FRMD4A: variants seen among roughly 807,000 people sequenced by gnomAD.
FRMD4A encodes FERM domain containing 4A.
FRMD4A carries 29 observed loss-of-function variants against 129.1 expected under a neutral mutation model. The ratio of observed to expected loss-of-function variants is 0.22; its 90% CI spans 0.17 to 0.31. The LOEUF is 0.31. Ranked by LOEUF, FRMD4A falls within the 10% of genes least tolerant of loss-of-function variation. The pLI is 1.00. For synonymous variants in FRMD4A, 634 were observed against 571.6 expected (o/e 1.11, Z -1.56); for missense variants, 1,272 against 1,375.8 (o/e 0.92, Z 1.19).
intron 2 of FRMD4A, among the ~76,000 whole-genome samples, chr10:14,034,591 T>C (rs909651323): frequency 5.9e-5 from 9 of 152,112 alleles, no homozygotes; most frequent in African/African-American, 2.2e-4. Context: ...TCATGAGAGA[T>C]GATCAGATCT....
chr10:14,167,869 C>T (rs1002824236), intron 2 of FRMD4A, among the ~76,000 whole-genome samples: 1 of 152,076 alleles, frequency 6.6e-6, no homozygotes. Context: ...ACGCCAGGCT[C>T]AGGGAGCTAT....
intron 13 of FRMD4A, among the ~76,000 whole-genome samples, chr10:13,705,744 C>T (rs1226717731): frequency 6.6e-6 from 1 of 152,206 alleles, no homozygotes; most frequent in Non-Finnish European, 1.5e-5. Flanking sequence ...AAACCCCTTG[C>T]AGGGCCCTGA....
In FRMD4A at chr10:13,657,172, G is replaced by T. The variant is rs1298783765; in HGVS notation, c.2417C>A (p.Ala806Glu). Residue 806 changes from alanine to glutamate, a missense_variant, in exon 22 of 25, where the codon GCG becomes GAG. By Grantham distance (107) the Ala-to-Glu change is moderately radical (BLOSUM62 -1). Transcript: ENST00000357447. ...ASSGSMPNLA[A>E]RGGAGGAGGA... Reference sequence around the variant, plus strand: ...CCCCGCGCCCCCCGCACCCCCGCGCGCCGCCAGGTTGGGCATGCTGCCCGA... The same window carrying T: ...CCCCGCGCCCCCCGCACCCCCGCGCTCCGCCAGGTTGGGCATGCTGCCCGA... 1 of 1,435,204 alleles carries T rather than the reference G, an allele frequency of 7.0e-7. No individual in the cohort carries two copies. The highest frequency in any genetic ancestry group is 9.2e-7 in the Non-Finnish European group (1 of 1,091,610). 88.9% of individuals were successfully genotyped at this position (1,435,204 alleles called of 1,614,324 possible). A position where few individuals can be genotyped will look rare whatever the true frequency, so the allele number is the denominator to read the frequency against.
intron 2 of FRMD4A, among the ~76,000 whole-genome samples, chr10:14,039,359 T>TGTCCATCCGTCC (rs201613957): frequency 3.3e-4 from 42 of 128,348 alleles, no homozygotes; most frequent in African/African-American, 1.2e-3. Context: ...CTTTCTGATC[T>TGTCCATCCGTCC]GTCCGTCCGT....
At chr10:14,081,832 G>A (rs7912941) in intron 2 of FRMD4A, among the ~76,000 whole-genome samples, 4,129 of 152,202 alleles carry the variant, frequency 0.027, 211 homozygotes, top group African/African-American at 0.093. Flanking sequence ...ATCCAATGCA[G>A]GTCATTGACT....
chr10:13,749,554 C>T (rs982577524), intron 8 of FRMD4A, among the ~76,000 whole-genome samples: 1 of 152,148 alleles, frequency 6.6e-6, no homozygotes, highest in Non-Finnish European at 1.5e-5. Context: ...CAATGATCAG[C>T]GTCACCATTG....
intron 2 of FRMD4A, among the ~76,000 whole-genome samples, chr10:13,964,724 T>G (rs1432905138): frequency 6.7e-6 from 1 of 148,386 alleles, no homozygotes; most frequent in African/African-American, 2.5e-5. Context: ...CAGGCTGGAG[T>G]GCAATGGCGC....
At chr10:13,954,708 G>A (rs1362565755) in intron 2 of FRMD4A, among the ~76,000 whole-genome samples, 1 of 152,160 alleles carries the variant, frequency 6.6e-6, no homozygotes, top group Non-Finnish European at 1.5e-5. Flanking sequence ...GTGGCTGGCA[G>A]CCTGTGTGAG....
At chr10:13,718,823 C>T (rs1055415016) in intron 12 of FRMD4A, among the ~76,000 whole-genome samples, 7 of 152,244 alleles carry the variant, frequency 4.6e-5, no homozygotes, top group African/African-American at 1.7e-4. Flanking sequence ...CATACACATA[C>T]CTCTGCCAAA....
chr10:14,155,486 T>A (rs994283460), intron 2 of FRMD4A, among the ~76,000 whole-genome samples: 4 of 152,070 alleles, frequency 2.6e-5, no homozygotes, highest in Non-Finnish European at 5.9e-5. Context: ...TTAGCGTCTG[T>A]CCCTTCCCAT....
intron 2 of FRMD4A, among the ~76,000 whole-genome samples, chr10:14,295,030 T>C (rs930273405): frequency 6.6e-6 from 1 of 152,198 alleles, no homozygotes; most frequent in African/African-American, 2.4e-5. Flanking sequence ...TTTTTAGTAA[T>C]GAGATTAATT....
intron 2 of FRMD4A, among the ~76,000 whole-genome samples, chr10:13,933,680 T>G (rs564261819): frequency 6.6e-6 from 1 of 152,322 alleles, no homozygotes; most frequent in African/African-American, 2.4e-5. Context: ...TTTTCCAGAT[T>G]TTCAACATAA....
At chr10:14,308,021 T>C (rs368153549) in intron 2 of FRMD4A, among the ~76,000 whole-genome samples, 1 of 152,230 alleles carries the variant, frequency 6.6e-6, no homozygotes, top group Non-Finnish European at 1.5e-5. Flanking sequence ...AGTACATAGA[T>C]AGAGTTTCTC....
chr10:13,868,632 A>G (rs2094403197), intron 2 of FRMD4A, among the ~76,000 whole-genome samples: 1 of 152,076 alleles, frequency 6.6e-6, no homozygotes, highest in Admixed American at 6.5e-5. Flanking sequence ...GCAAAACCCA[A>G]AAACAACAAT....
chr10:13,980,772 G>T (rs541469112), intron 2 of FRMD4A, among the ~76,000 whole-genome samples: 1 of 152,060 alleles, frequency 6.6e-6, no homozygotes, highest in African/African-American at 2.4e-5. Flanking sequence ...AAAATTGTTC[G>T]TTATTTTAAC....
At chr10:13,945,630 C>A (rs1282714557) in intron 2 of FRMD4A, among the ~76,000 whole-genome samples, 1 of 152,148 alleles carries the variant, frequency 6.6e-6, no homozygotes. Flanking sequence ...TGCAGAGGTT[C>A]AAATTCGAAC....
At chr10:13,963,743 T>C (rs1049956606) in intron 2 of FRMD4A, among the ~76,000 whole-genome samples, 2 of 152,022 alleles carry the variant, frequency 1.3e-5, no homozygotes, top group African/African-American at 4.8e-5. Flanking sequence ...CTATTCTAGG[T>C]TGGTAGGTGT....
intron 2 of FRMD4A, among the ~76,000 whole-genome samples, chr10:14,061,997 C>T (rs1055532157): frequency 4.7e-5 from 7 of 149,716 alleles, no homozygotes; most frequent in African/African-American, 1.8e-4. Context: ...GGAATTCTGA[C>T]AAAATAAATC....
chr10:14,022,882 G>C (rs1296772948), intron 2 of FRMD4A, among the ~76,000 whole-genome samples: 1 of 152,086 alleles, frequency 6.6e-6, no homozygotes, highest in Non-Finnish European at 1.5e-5. Flanking sequence ...GGAGAGAATG[G>C]GAAATGTATT....
Sources: gnomAD v4.1 joint callset for allele counts (sites outside exome capture counted in the v4.1 genomes callset) on GRCh38, gnomAD v4.1.1 for gene constraint, MANE v1.5 for transcripts, NCBI Gene and HGNC (gene_info 2026-07-23, HGNC 2026-07-21) for gene names.